KAZN: variants seen among roughly 807,000 people sequenced by gnomAD.
KAZN encodes the protein kazrin.
A neutral mutation model predicts 87.4 loss-of-function variants in KAZN; 40 were observed. That is an observed-to-expected ratio of 0.46 (90% CI 0.36 to 0.60). The LOEUF (loss-of-function observed/expected upper bound fraction) is 0.60, where lower values mean the gene tolerates loss of function less well. Among genes scored for constraint, KAZN ranks in the 20% least tolerant of loss-of-function variants. The probability of loss-of-function intolerance (pLI) is 0.00; values close to 1 mark genes in which losing one functional copy is unlikely to be tolerated. For synonymous variants in KAZN, 466 were observed against 458.3 expected, an observed-to-expected ratio of 1.02 and a Z score of -0.22; for missense variants, 898 against 1,073.9, an observed-to-expected ratio of 0.84 and a Z score of 2.29.
At chr1:13,968,521 C>T (rs964213931) in intron 1 of KAZN, among the ~76,000 whole-genome samples, 4 of 152,194 alleles carry the variant, frequency 2.6e-5, no homozygotes, top group African/African-American at 7.2e-5. Context: ...AAACTCCTCA[C>T]GTGACGGGTC....
chr1:14,111,661 G>A (rs1352210700), intron 1 of KAZN, among the ~76,000 whole-genome samples: 1 of 134,036 alleles, frequency 7.5e-6, no homozygotes, highest in Non-Finnish European at 1.6e-5. Flanking sequence ...TTACAGAGCA[G>A]GGGCATTGAA....
chr1:15,044,623 C>G (rs777431764), intron 4 of KAZN, among the ~76,000 whole-genome samples: 9 of 151,740 alleles, frequency 5.9e-5, no homozygotes, highest in Non-Finnish European at 1.2e-4. Context: ...TGCCTGTAGT[C>G]CCAACTAGAC....
chr1:14,654,158 G>T (rs1408985933), intron 1 of KAZN, among the ~76,000 whole-genome samples: 3 of 152,130 alleles, frequency 2.0e-5, no homozygotes, highest in African/African-American at 4.8e-5. Flanking sequence ...GCGGTGGCAG[G>T]TGCCTGCAAT....
Position 14,338,078 on chromosome 1 carries a change from C to T in KAZN, c.249+157486C>T, listed in dbSNP as rs1657402196. On this transcript the variant is annotated intron_variant, in intron 2 of 16. Coordinates refer to the KAZN transcript ENST00000636203. Reference sequence around the variant, plus strand: ...GTGAGAATGGACCCCTTCCCACCCTCCAGAGAGAGAATCTCAATCTGCCTA... The same window carrying T: ...GTGAGAATGGACCCCTTCCCACCCTTCAGAGAGAGAATCTCAATCTGCCTA... Among the ~76,000 whole-genome samples, 4 of 152,224 alleles carry T rather than the reference C, an allele frequency of 2.6e-5. No individual in the cohort carries two copies. In the South Asian group the frequency reaches 8.3e-4, roughly 32 times the overall value.
chr1:14,012,763 A>C (rs576894547), intron 1 of KAZN, among the ~76,000 whole-genome samples: 1 of 152,334 alleles, frequency 6.6e-6, no homozygotes, highest in East Asian at 1.9e-4. Context: ...AACCACTCCA[A>C]CCAATTAAAT....
chr1:14,978,726 T>C (rs1471640451), intron 2 of KAZN, among the ~76,000 whole-genome samples: 2 of 150,798 alleles, frequency 1.3e-5, no homozygotes, highest in Non-Finnish European at 2.9e-5. Flanking sequence ...GTGGTCTTGC[T>C]CTCCTGGAAG....
rs181584029 is a variant in KAZN at position 14,407,229 on chromosome 1, G to A, written c.250-191754G>A. 8.2e-3 allele frequency among the ~76,000 whole-genome samples: 1,253 copies of A among 152,282 alleles called. 17 individuals are homozygous for A. The highest frequency in any genetic ancestry group is 0.029 in the African/African-American group (1,199 of 41,546). ...TGTGAACTCTTGTCCATGGCAGAGG[G>A]CTCACCTCTGGGATTTTCTCTAAGA... is the stretch of plus-strand genomic sequence containing the variant. On this transcript the variant is annotated intron_variant, in intron 2 of 16. Coordinates refer to the KAZN transcript ENST00000636203.
intron 2 of KAZN, among the ~76,000 whole-genome samples, chr1:14,478,076 C>A (rs1195378079): frequency 6.6e-6 from 1 of 152,176 alleles, no homozygotes; most frequent in Non-Finnish European, 1.5e-5. Context: ...TTCTCACTGC[C>A]TTGAGCTCAC....
At chr1:14,114,282 G>T (rs1644562590) in intron 1 of KAZN, among the ~76,000 whole-genome samples, 1 of 152,104 alleles carries the variant, frequency 6.6e-6, no homozygotes, top group South Asian at 2.1e-4. Flanking sequence ...GCTGCGTGGG[G>T]GGCCGGCATT....
chr1:15,015,905 GAC>G (rs1485166912), intron 2 of KAZN, among the ~76,000 whole-genome samples: 1 of 152,176 alleles, frequency 6.6e-6, no homozygotes. Flanking sequence ...CCGCAAGGCA[GAC>G]ACTGTGATCG....
intron 2 of KAZN, among the ~76,000 whole-genome samples, chr1:15,004,759 C>G (rs1339868070): frequency 6.6e-6 from 1 of 152,144 alleles, no homozygotes; most frequent in Non-Finnish European, 1.5e-5. Flanking sequence ...GGGTTCAAAT[C>G]CTGCCTTAAG....
intron 1 of KAZN, among the ~76,000 whole-genome samples, chr1:13,926,062 C>A (rs7535860): frequency 0.3 from 44,930 of 151,878 alleles, 6,782 homozygotes; most frequent in East Asian, 0.4. Context: ...TGGTTTCTCT[C>A]TCCCTTTGTT....
intron 2 of KAZN, among the ~76,000 whole-genome samples, chr1:14,211,614 C>T (rs542666027): frequency 6.6e-6 from 1 of 152,126 alleles, no homozygotes; most frequent in South Asian, 2.1e-4. Flanking sequence ...GTCAGTGGTC[C>T]TCTGGAGATG....
At chr1:14,893,323 A>C (rs1452975213) in intron 1 of KAZN, among the ~76,000 whole-genome samples, 1 of 152,162 alleles carries the variant, frequency 6.6e-6, no homozygotes, top group African/African-American at 2.4e-5. Flanking sequence ...CAGAGATCGC[A>C]CCATTGCACT....
intron 3 of KAZN, among the ~76,000 whole-genome samples, chr1:15,039,008 T>C (rs1463485268): frequency 6.7e-6 from 1 of 148,936 alleles, no homozygotes; most frequent in Admixed American, 6.7e-5. Context: ...ATGAATGTGA[T>C]ATTACCAGTA....
intron 1 of KAZN, among the ~76,000 whole-genome samples, chr1:13,932,075 C>T (rs1640538958): frequency 7.0e-6 from 1 of 142,174 alleles, no homozygotes; most frequent in Non-Finnish European, 1.5e-5. Context: ...CCAGGCTGGT[C>T]TCAAATTCCT....
chr1:15,078,134 G>A (rs187773306), intron 8 of KAZN, among the ~76,000 whole-genome samples: 1 of 152,168 alleles, frequency 6.6e-6, no homozygotes, highest in Non-Finnish European at 1.5e-5. Flanking sequence ...TAAGTGATGT[G>A]CTGGATGCGG....
At chr1:14,718,165 C>G (rs1478770143) in intron 1 of KAZN, among the ~76,000 whole-genome samples, 1 of 152,232 alleles carries the variant, frequency 6.6e-6, no homozygotes, top group East Asian at 1.9e-4. Flanking sequence ...TTCATGCTCT[C>G]TCTTCCAGCT....
intron 2 of KAZN, among the ~76,000 whole-genome samples, chr1:14,572,434 G>A (rs1674926784): frequency 6.6e-6 from 1 of 152,154 alleles, no homozygotes; most frequent in South Asian, 2.1e-4. Context: ...ATAGCCCCAG[G>A]CTTCAAAAGG....
Sources: allele counts gnomAD v4.1 joint callset (sites outside exome capture counted in the v4.1 genomes callset), GRCh38; gene constraint gnomAD v4.1.1; transcripts MANE v1.5; gene names NCBI Gene and HGNC (gene_info 2026-07-23, HGNC 2026-07-21).